SEC63: variants seen among roughly 807,000 people sequenced by gnomAD.
The protein encoded by SEC63 is SEC63 protein translocation regulator.
Under a neutral mutation model 116.2 loss-of-function variants are expected in SEC63, and 56 were observed. That is an observed-to-expected ratio of 0.48 (90% CI 0.39 to 0.60). SEC63 has a LOEUF of 0.60. SEC63 is among the 20% of genes least tolerant of loss of function. The pLI is 0.00. For synonymous variants in SEC63, 273 were observed against 294.6 expected (o/e 0.93, Z 0.75); for missense variants, 668 against 900.0 (o/e 0.74, Z 3.30).
Position 107,957,910 on chromosome 6 carries a change from G to A in SEC63, c.100C>T (p.Leu34Phe), listed in dbSNP as rs775021955. ...GLIVIPATYY[L>F]WPRDQNAEQI... The stretch of plus-strand genomic sequence containing the variant: ...CCGGCATTCTGATCTCGGGGCCAGA[G>A]GTAGTATGTCGCCGGGATCACGATG... The change falls in exon 1 of 21, where the codon CTC becomes TTC. Residue 34 changes from leucine (L) to phenylalanine (F), a missense_variant. Leu to Phe is a conservative substitution (Grantham distance 22, BLOSUM62 0). Coordinates refer to ENST00000369002, the MANE Select transcript of SEC63 (RefSeq NM_007214.5). 8.9e-5 allele frequency: 143 copies of A among 1,612,976 alleles called. 1 individual carries two copies. The East Asian group carries it at 2.8e-3, about 32-fold the overall frequency.
intron 18 of SEC63, among the ~76,000 whole-genome samples, chr6:107,879,320 C>A (rs1055875055): frequency 2.0e-5 from 3 of 151,924 alleles, no homozygotes; most frequent in Admixed American, 6.6e-5. Context: ...CCCGCCACCA[C>A]GCCCGGCTAA....
chr6:107,894,567 A>G (rs773139738), intron 14 of SEC63, among the ~76,000 whole-genome samples: 17 of 152,170 alleles, frequency 1.1e-4, no homozygotes, highest in South Asian at 2.1e-4. Context: ...CCAACCATAC[A>G]ATCCATTTAG....
intron 1 of SEC63, among the ~76,000 whole-genome samples, chr6:107,939,891 G>A (rs1458376488): frequency 6.6e-6 from 1 of 151,986 alleles, no homozygotes; most frequent in African/African-American, 2.4e-5. Flanking sequence ...TGCTCTAGAC[G>A]ACCAAAAATA....
rs1326943685 is a variant in SEC63, at chr6:107,924,849, T to C, written c.308A>G (p.Tyr103Cys). ...CAAATTTAATACTTCATAAGGATTG[T>C]ATTCTTGGTATTCTCGGTCTGTTTT... The part of the protein sequence containing the change: ...VSKTDREYQE[Y>C]NPYEVLNLDP... Residue 103 changes from tyrosine to cysteine, a missense_variant, in exon 3 of 21, where the codon TAC (tyrosine) becomes TGC (cysteine). Transcript: ENST00000369002. The C allele has an allele frequency of 6.4e-7, 1 of 1,573,456 alleles. No homozygotes were observed. Among genetic ancestry groups the C allele is most frequent in the African/African-American group, 1.4e-5 (1 of 73,994 alleles).
At chr6:107,874,670 G>A (rs968566466) in intron 19 of SEC63, among the ~76,000 whole-genome samples, 2 of 150,880 alleles carry the variant, frequency 1.3e-5, no homozygotes, top group Admixed American at 6.6e-5. Context: ...CAAATACAAT[G>A]TAAAAATCTC....
At chr6:107,917,945 T>C (rs1787449990) in intron 4 of SEC63, among the ~76,000 whole-genome samples, 1 of 152,204 alleles carries the variant, frequency 6.6e-6, no homozygotes, top group Admixed American at 6.5e-5. Context: ...ATTTTCAATG[T>C]AGACAAAATA....
Position 107,938,121 on chromosome 6 carries a change from A to G in SEC63, c.125-8607T>C, listed in dbSNP as rs80196087. Among the ~76,000 whole-genome samples, 1,327 of 152,340 alleles carry G rather than the reference A, an allele frequency of 8.7e-3. 20 individuals carry two copies. The highest frequency in any genetic ancestry group is 0.03 in the African/African-American group (1,267 of 41,574). On this transcript the variant is annotated intron_variant, in intron 1 of 20. Coordinates refer to ENST00000369002, the MANE Select transcript of SEC63 (RefSeq NM_007214.5). ...CCATCTCTTTTAAATGCATCCAAAG[A>G]AAGCTAAAAACCACAGCAATTTCAT...
intron 3 of SEC63, among the ~76,000 whole-genome samples, chr6:107,922,775 T>C (rs911888309): frequency 1.1e-4 from 16 of 152,276 alleles, no homozygotes; most frequent in Admixed American, 6.5e-5. Context: ...TCACATGATA[T>C]GTAAACTTTT....
At chr6:107,954,860 A>T (rs1770679803) in intron 1 of SEC63, 1 of 152,232 alleles carries the variant, frequency 6.6e-6, no homozygotes, top group South Asian at 2.1e-4. Context: ...ATCCAAGAAA[A>T]AAGTCCAAGT....
rs548734195 is a variant in SEC63, at chr6:107,903,975, G to A, written c.1054+654C>T. 1.0e-4 allele frequency among the ~76,000 whole-genome samples: 15 copies of A among 149,292 alleles called. No individual in the cohort carries two copies. In the South Asian group the frequency reaches 1.3e-3, roughly 13 times the overall value. On this transcript the variant is annotated intron_variant, in intron 11 of 20. Coordinates refer to ENST00000369002, the MANE Select transcript of SEC63 (RefSeq NM_007214.5). ...TCTACTAAAAATACAAAAATTAGCC[G>A]GGCGTGGTGGCATGCGCCTGTAATG...
At chr6:107,912,258 T>C (rs1431658003) in intron 6 of SEC63, among the ~76,000 whole-genome samples, 2 of 152,172 alleles carry the variant, frequency 1.3e-5, no homozygotes, top group South Asian at 2.1e-4. Flanking sequence ...TGAAATACCA[T>C]ATGGAATATA....
At chr6:107,911,719 T>C (rs1260614931) in intron 6 of SEC63, among the ~76,000 whole-genome samples, 2 of 152,232 alleles carry the variant, frequency 1.3e-5, no homozygotes, top group Non-Finnish European at 2.9e-5. Context: ...TTTTAATTTT[T>C]TATTTACTGA....
chr6:107,948,224 G>T (rs898603730), intron 1 of SEC63, among the ~76,000 whole-genome samples: 1 of 151,934 alleles, frequency 6.6e-6, no homozygotes, highest in African/African-American at 2.4e-5. Flanking sequence ...AACACATATC[G>T]TAATGTGTTA....
intron 14 of SEC63, among the ~76,000 whole-genome samples, chr6:107,894,462 C>T (rs1370676023): frequency 6.6e-6 from 1 of 151,564 alleles, no homozygotes; most frequent in South Asian, 2.1e-4. Context: ...TTGCTTGACC[C>T]CAAGAGTTTG....
At chr6:107,949,011 G>C (rs1422744486) in intron 1 of SEC63, among the ~76,000 whole-genome samples, 1 of 152,194 alleles carries the variant, frequency 6.6e-6, no homozygotes, top group Non-Finnish European at 1.5e-5. Context: ...ACATGTGTAT[G>C]TCTTTCCTCC....
intron 3 of SEC63, among the ~76,000 whole-genome samples, chr6:107,924,521 A>T (rs969897566): frequency 6.6e-6 from 1 of 151,322 alleles, no homozygotes; most frequent in Non-Finnish European, 1.5e-5. Flanking sequence ...AGCCGAGATC[A>T]CACCACTACA....
intron 1 of SEC63, 137 bp from the exon 2 acceptor site, chr6:107,929,651 C>G: frequency 1.6e-6 from 1 of 612,108 alleles, no homozygotes; most frequent in Non-Finnish European, 2.9e-6. Flanking sequence ...TTCAAATAGC[C>G]TTTAAAAAAC....
intron 16 of SEC63, among the ~76,000 whole-genome samples, chr6:107,883,649 T>C (rs1786462524): frequency 6.7e-6 from 1 of 150,084 alleles, no homozygotes; most frequent in Admixed American, 6.7e-5. Flanking sequence ...AAATTATATA[T>C]ATATATATAT....
intron 13 of SEC63, among the ~76,000 whole-genome samples, chr6:107,898,109 C>A (rs1786908104): frequency 6.6e-6 from 1 of 151,936 alleles, no homozygotes; most frequent in Non-Finnish European, 1.5e-5. Flanking sequence ...ATAAAAAATA[C>A]AAAAATTAGC....
Sources: allele counts gnomAD v4.1 joint callset (sites outside exome capture counted in the v4.1 genomes callset), GRCh38; gene constraint gnomAD v4.1.1; transcripts MANE v1.5; gene names NCBI Gene and HGNC (gene_info 2026-07-23, HGNC 2026-07-21).